ARHGAP24: variants seen among roughly 807,000 people sequenced by gnomAD.
ARHGAP24 encodes Rho GTPase activating protein 24.
A neutral mutation model predicts 76.4 loss-of-function variants in ARHGAP24; 50 were observed. The ratio of observed to expected loss-of-function variants is 0.65; its 90% confidence interval spans 0.52 to 0.83. ARHGAP24 has a LOEUF of 0.83. Ranked by LOEUF, ARHGAP24 falls within the 40% of genes least tolerant of loss-of-function variation. The pLI is 0.00. For missense variants in ARHGAP24, 930 were observed against 914.2 expected (o/e 1.02, Z -0.22); for synonymous variants, 345 against 323.3 (o/e 1.07, Z -0.72).
intron 3 of ARHGAP24, among the ~76,000 whole-genome samples, chr4:85,853,370 G>T (rs554346661): frequency 2.9e-4 from 44 of 152,286 alleles, no homozygotes; most frequent in African/African-American, 9.4e-4. Context: ...GATTTTCCGG[G>T]TACAGTCTGT....
chr4:85,664,963 A>G (rs149234352), intron 2 of ARHGAP24, among the ~76,000 whole-genome samples: 4,444 of 151,996 alleles, frequency 0.029, 202 homozygotes, highest in African/African-American at 0.1. Flanking sequence ...TAGGTGTGGT[A>G]TGGTGCTGAA....
At chr4:85,792,857 C>T (rs1728188725) in intron 3 of ARHGAP24, among the ~76,000 whole-genome samples, 1 of 152,164 alleles carries the variant, frequency 6.6e-6, no homozygotes, top group Non-Finnish European at 1.5e-5. Context: ...CACCCATCAA[C>T]TAATACTTGG....
intron 4 of ARHGAP24, chr4:85,930,500 C>G (rs1212599788): frequency 1.1e-5 from 11 of 997,554 alleles, no homozygotes; most frequent in Non-Finnish European, 1.3e-5. Context: ...TTCCTCTTTC[C>G]TCTTGCACAG....
intron 1 of ARHGAP24, among the ~76,000 whole-genome samples, chr4:85,525,239 G>A (rs973376130): frequency 2.8e-5 from 4 of 144,040 alleles, no homozygotes; most frequent in African/African-American, 1.0e-4. Flanking sequence ...CATATGCCAT[G>A]TGCTTATGTA....
chr4:86,000,560 A>C lies in ARHGAP24; in HGVS notation c.2085A>C (p.Thr695=), dbSNP rs1740957021. 1 of 1,612,286 alleles carries C rather than the reference A, an allele frequency of 6.2e-7. No individual in the cohort carries two copies. The highest frequency in any genetic ancestry group is 1.7e-5 in the Admixed American group (1 of 59,798). The change falls in exon 10 of 10, where the codon ACA becomes ACC. Residue 695 remains threonine (T), a synonymous_variant. Transcript: ENST00000395184. ...TGGATCAGGAGAGGAAAAAGTTCAC[A>C]ATGATAGAAATAAAAATGCGAAATG... ...DELDQERKKF[T]MIEIKMRNAE...
chr4:85,817,464 T>G (rs1275984158), intron 3 of ARHGAP24, among the ~76,000 whole-genome samples: 2 of 152,212 alleles, frequency 1.3e-5, no homozygotes, highest in Non-Finnish European at 2.9e-5. Flanking sequence ...ATTTCATTTT[T>G]CTGCATATGG....
intron 3 of ARHGAP24, 69 bp downstream of exon 3, chr4:85,722,041 C>A (rs767026772): frequency 5.3e-5 from 74 of 1,391,762 alleles, no homozygotes; most frequent in Non-Finnish European, 7.5e-5. Flanking sequence ...ATGGGTCAGA[C>A]AGGTTTCATT....
chr4:85,858,197 C>G (rs973023117), intron 3 of ARHGAP24, among the ~76,000 whole-genome samples: 1 of 152,148 alleles, frequency 6.6e-6, no homozygotes, highest in African/African-American at 2.4e-5. Context: ...AAGCACTCCA[C>G]TAAGCTTAGA....
chr4:85,648,320 TTAGA>T (rs370844990), intron 2 of ARHGAP24, among the ~76,000 whole-genome samples: 36 of 152,260 alleles, frequency 2.4e-4, no homozygotes, highest in African/African-American at 7.9e-4. Flanking sequence ...CGTATTATTG[TTAGA>T]TACTCAATTA....
intron 1 of ARHGAP24, among the ~76,000 whole-genome samples, chr4:85,511,176 A>G (rs549518069): frequency 3.5e-4 from 53 of 152,362 alleles, no homozygotes; most frequent in African/African-American, 1.1e-3. Flanking sequence ...TGTGCTTACC[A>G]CAACTGAGGC....
At chr4:85,973,071 A>G (rs1309075364) in intron 6 of ARHGAP24, among the ~76,000 whole-genome samples, 2 of 152,144 alleles carry the variant, frequency 1.3e-5, no homozygotes, top group Non-Finnish European at 2.9e-5. Flanking sequence ...TCTCTTAAGT[A>G]TATACCTAGA....
chr4:85,655,766 CATATATATAT>C lies in ARHGAP24; in HGVS notation c.181-66101_181-66092del, dbSNP rs370571889. Among the ~76,000 whole-genome samples, 459 of 69,082 alleles carry C rather than the reference CATATATATAT, an allele frequency of 6.6e-3. 29 individuals carry two copies. Among genetic ancestry groups the C allele is most frequent in the African/African-American group, 0.043 (430 of 10,016 alleles). The allele number at this position is 69,082 out of a possible 152,430, so 45.3% of individuals were successfully genotyped here. ...CAGCCTGGGTGACAGAGTGAGACTC[CATATATATAT>C]ATATATATATATATATAGAGAGAGA... On this transcript the variant is annotated intron_variant, in intron 2 of 9. Coordinates refer to ENST00000395184, the MANE Select transcript of ARHGAP24 (RefSeq NM_001025616.3).
At chr4:85,518,963 A>G (rs1994066) in intron 1 of ARHGAP24, among the ~76,000 whole-genome samples, 133,891 of 152,124 alleles carry the variant, frequency 0.88, 61,347 homozygotes, top group East Asian at 1. Flanking sequence ...TAGCGGCAGT[A>G]CTAGTTTACA....
At chr4:85,804,888 G>C (rs907536676) in intron 3 of ARHGAP24, among the ~76,000 whole-genome samples, 4 of 152,100 alleles carry the variant, frequency 2.6e-5, no homozygotes, top group Non-Finnish European at 4.4e-5. Context: ...TTAGTTCAAA[G>C]ACCCATGGAG....
At position 85,587,236 on chromosome 4, in the gene ARHGAP24, A is replaced by G. The variant is rs1727898301; in HGVS notation, c.180+16515A>G. Reference sequence around the variant, plus strand: ...AGTGGTATTCCTTAATTGACCCAACAGAACAGAGGTAAATTAATACAGAGA... The same window carrying G: ...AGTGGTATTCCTTAATTGACCCAACGGAACAGAGGTAAATTAATACAGAGA... On this transcript the variant is annotated intron_variant, in intron 2 of 9. Coordinates refer to ENST00000395184, the MANE Select transcript of ARHGAP24 (RefSeq NM_001025616.3). Among the ~76,000 whole-genome samples the G allele has an allele frequency of 3.3e-5, 5 of 152,226 alleles. No homozygotes were observed. In the South Asian group the frequency reaches 1.0e-3, roughly 32 times the overall value.
In ARHGAP24 at chr4:85,487,737, T is replaced by G. The variant is rs1165961811; in HGVS notation, c.-21+12178T>G. ...ATAAATATATATTTATATTATATAT[T>G]ATATAATATATATTTATTATATATT... On this transcript the variant is annotated intron_variant, in intron 1 of 9. Transcript: ENST00000395184. Among the ~76,000 whole-genome samples the G allele has an allele frequency of 9.9e-4, 103 of 104,242 alleles. 1 individual carries two copies. The highest frequency in any genetic ancestry group is 2.0e-4 in the Non-Finnish European group (12 of 58,600). The allele number at this position is 104,242 out of a possible 152,430, so 68.4% of individuals were successfully genotyped here.
chr4:85,837,022 T>C (rs1730329348), intron 3 of ARHGAP24, among the ~76,000 whole-genome samples: 2 of 151,356 alleles, frequency 1.3e-5, no homozygotes, highest in South Asian at 4.2e-4. Context: ...TCCCTAAATA[T>C]GTGCACATAG....
intron 2 of ARHGAP24, among the ~76,000 whole-genome samples, chr4:85,623,166 T>C (rs1004459495): frequency 2.0e-5 from 3 of 152,246 alleles, no homozygotes; most frequent in Non-Finnish European, 2.9e-5. Context: ...CACGAAGTCC[T>C]TGCCCATGCC....
At chr4:85,945,060 G>A (rs1475483529) in intron 5 of ARHGAP24, among the ~76,000 whole-genome samples, 1 of 152,126 alleles carries the variant, frequency 6.6e-6, no homozygotes, top group African/African-American at 2.4e-5. Context: ...TGGTCAGGCT[G>A]GTCTCGAACT....
Sources: allele counts gnomAD v4.1 joint callset (sites outside exome capture counted in the v4.1 genomes callset), GRCh38; gene constraint gnomAD v4.1.1; transcripts MANE v1.5; gene names NCBI Gene and HGNC (gene_info 2026-07-23, HGNC 2026-07-21).